KLKB1: variants seen among roughly 807,000 people sequenced by gnomAD.
KLKB1 encodes plasma kallikrein.
In KLKB1, 58 loss-of-function variants were observed where a neutral mutation model predicts 73.6. The ratio of observed to expected loss-of-function variants is 0.79; its 90% CI spans 0.64 to 0.98. The LOEUF is 0.98. KLKB1 is among the 50% of genes least tolerant of loss of function. KLKB1 has a pLI of 0.00. For synonymous variants in KLKB1, 280 were observed against 258.1 expected (o/e 1.08, Z -0.81); for missense variants, 737 against 763.8 (o/e 0.96, Z 0.41).
rs755680952 is a variant in KLKB1 at position 186,236,864 on chromosome 4, C to CA, written c.418dup (p.Arg140LysfsTer5). 1.9e-6 allele frequency: 3 copies of CA among 1,612,760 alleles called. No homozygotes were observed. Among genetic ancestry groups the CA allele is most frequent in the Admixed American group, 3.3e-5 (2 of 59,938 alleles). On this transcript the variant is annotated frameshift_variant, in exon 5 of 15. Coordinates refer to ENST00000264690, the MANE Select transcript of KLKB1 (RefSeq NM_000892.5). LOFTEE classifies it high-confidence loss of function. ...TAAGGTTAGCAGTGTTGAAGAATGCCAAAAAAGGTGCACCAGTAACATTCG... is the reference window on the plus strand; with the variant it reads ...TAAGGTTAGCAGTGTTGAAGAATGCCAAAAAAAGGTGCACCAGTAACATTCG...
At chr4:186,257,096 T>C in intron 13 of KLKB1, 130 bp from the exon 14 acceptor site, 1 of 525,594 alleles carries the variant, frequency 1.9e-6, no homozygotes, top group South Asian at 3.0e-5. Context: ...TACACTGCTC[T>C]GATTCACTTT....
chr4:186,236,123 A>C, intron 4 of KLKB1, among the ~76,000 whole-genome samples: 1 of 151,950 alleles, frequency 6.6e-6, no homozygotes, highest in East Asian at 1.9e-4. Flanking sequence ...CAAAAAAAAA[A>C]AAAAAAAAAA....
chr4:186,226,338 G>GA (rs1737167871), upstream of KLKB1: 1 of 152,198 alleles, frequency 6.6e-6, no homozygotes, highest in South Asian at 2.1e-4. Context: ...GATTATTTGT[G>GA]ATCAGTGTGG....
upstream of KLKB1, chr4:186,227,315 G>T (rs1444522175): frequency 6.6e-6 from 1 of 152,180 alleles, no homozygotes; most frequent in Non-Finnish European, 1.5e-5. Context: ...TTCTGCAAGG[G>T]ATGAGCGCTA....
chr4:186,223,801 G>A (rs756909207), upstream of KLKB1, among the ~76,000 whole-genome samples: 9 of 152,186 alleles, frequency 5.9e-5, no homozygotes, highest in African/African-American at 1.4e-4. Context: ...AATTCAAGCC[G>A]GCTGCAGAAA....
chr4:186,235,838 G>A (rs539919265), intron 4 of KLKB1, among the ~76,000 whole-genome samples: 217 of 151,994 alleles, frequency 1.4e-3, no homozygotes, highest in African/African-American at 4.9e-3. Context: ...AAAAGAGGCC[G>A]GGCGCGGTGG....
intron 11 of KLKB1, among the ~76,000 whole-genome samples, chr4:186,252,468 C>CCACCACCAATCT (rs1312652459): frequency 4.6e-5 from 7 of 151,828 alleles, no homozygotes; most frequent in African/African-American, 1.2e-4. Flanking sequence ...ACCACCAATC[C>CCACCACCAATCT]CACCACCAAT....
In KLKB1 at chr4:186,251,762, T is replaced by C. The variant is rs765900413; in HGVS notation, c.1045T>C (p.Leu349=). The change falls in exon 10 of 15, where the codon TTA becomes CTA. Residue 349 remains leucine, a synonymous_variant. Coordinates refer to ENST00000264690, the MANE Select transcript of KLKB1 (RefSeq NM_000892.5). ...DCKEEKCKCF[L]RLSMDGSPTR... is the part of the protein sequence containing the mutation. ...CATTTCATCTAGGTGTAAGTGTTTC[T>C]TAAGATTATCTATGGATGGTTCTCC... 6.2e-7 allele frequency: 1 copy of C among 1,613,720 alleles called. No homozygotes were observed. The highest frequency in any genetic ancestry group is 1.7e-5 in the Admixed American group (1 of 60,036).
At chr4:186,223,181 T>C (rs1055621988), upstream of KLKB1, among the ~76,000 whole-genome samples, 16 of 152,284 alleles carry the variant, frequency 1.1e-4, no homozygotes, top group South Asian at 1.7e-3. Flanking sequence ...ACCTCTTTTG[T>C]TTATAAATTA....
intron 6 of KLKB1, among the ~76,000 whole-genome samples, chr4:186,247,368 G>A (rs757925735): frequency 3.3e-5 from 5 of 151,934 alleles, no homozygotes; most frequent in Admixed American, 6.6e-5. Flanking sequence ...TGGGTAGGTA[G>A]TGGAAAATTA....
At chr4:186,253,999 ATT>A (rs1738847449) in intron 11 of KLKB1, among the ~76,000 whole-genome samples, 1 of 151,858 alleles carries the variant, frequency 6.6e-6, no homozygotes, top group Non-Finnish European at 1.5e-5. Flanking sequence ...CACCTGGCTA[ATT>A]TTTGTATTTT....
chr4:186,228,699 G>A (rs1206972043), intron 2 of KLKB1, among the ~76,000 whole-genome samples: 1 of 152,068 alleles, frequency 6.6e-6, no homozygotes, highest in African/African-American at 2.4e-5. Context: ...GGACCGCTAG[G>A]GAACCATTTC....
intron 7 of KLKB1, among the ~76,000 whole-genome samples, chr4:186,250,752 C>T (rs1738624272): frequency 6.6e-6 from 1 of 152,094 alleles, no homozygotes; most frequent in Non-Finnish European, 1.5e-5. Flanking sequence ...GGCAATATAG[C>T]CCTTAAGCTT....
intron 2 of KLKB1, chr4:186,210,956 C>A: frequency 3.8e-6 from 1 of 265,720 alleles, no homozygotes. Context: ...TCTGCCTCAG[C>A]CTCCCAAGTA....
intron 2 of KLKB1, among the ~76,000 whole-genome samples, chr4:186,214,267 C>G (rs917926104): frequency 2.6e-5 from 4 of 152,222 alleles, no homozygotes; most frequent in African/African-American, 9.6e-5. Context: ...TGCTGAGGCT[C>G]ACTGCATGTC....
At chr4:186,215,345 TTTCCTTCTTTCTTTCC>T (rs1267282595) in intron 2 of KLKB1, among the ~76,000 whole-genome samples, 1 of 97,136 alleles carries the variant, frequency 1.0e-5, no homozygotes, top group Non-Finnish European at 2.2e-5. Flanking sequence ...TTTCTCTTTC[TTTCCTTCTTTCTTTCC>T]TTCCTTCCTT....
chr4:186,242,129 G>C (rs979322065), intron 6 of KLKB1, among the ~76,000 whole-genome samples: 1 of 147,480 alleles, frequency 6.8e-6, no homozygotes, highest in African/African-American at 2.5e-5. Flanking sequence ...GTCAAAGGGG[G>C]TTGTTCTCTG....
chr4:186,250,503 C>T (rs1233853395), intron 7 of KLKB1, 101 bp downstream of exon 7: 17 of 1,372,200 alleles, frequency 1.2e-5, no homozygotes, highest in Admixed American at 3.4e-5. Context: ...TTAAAAGTTT[C>T]GTTCATTTCC....
At position 186,257,352 on chromosome 4, in the gene KLKB1, A is replaced by T; in HGVS notation, c.1712A>T (p.Lys571Ile). The change falls in exon 14 of 15, where the codon AAA becomes ATA. Residue 571 changes from lysine to isoleucine, a missense_variant. Lys to Ile is a moderately radical substitution (Grantham distance 102). Coordinates refer to ENST00000264690, the MANE Select transcript of KLKB1 (RefSeq NM_000892.5). ...TGTGCTGGCTATAAAGAAGGGGGAAAAGATGCTTGTAAGGTAACTCATGAG... is the reference window on the plus strand; with the variant it reads ...TGTGCTGGCTATAAAGAAGGGGGAATAGATGCTTGTAAGGTAACTCATGAG... The part of the protein sequence containing the change: ...MVCAGYKEGG[K>I]DACKGDSGGP... The T allele has an allele frequency of 6.3e-7, 1 of 1,589,900 alleles. No homozygotes were observed. Among genetic ancestry groups the T allele is most frequent in the Admixed American group, 1.7e-5 (1 of 58,412 alleles).
Sources: allele counts gnomAD v4.1 joint callset (sites outside exome capture counted in the v4.1 genomes callset), GRCh38; gene constraint gnomAD v4.1.1; transcripts MANE v1.5; gene names NCBI Gene and HGNC (gene_info 2026-07-23, HGNC 2026-07-21).